Variants in SUGCT observed in about 807,000 individuals in gnomAD.
SUGCT encodes succinyl-CoA:glutarate-CoA transferase, also known as succinyl-CoA:glutarate CoA-transferase.
Under a neutral mutation model 55.0 loss-of-function variants are expected in SUGCT, and 41 were observed. The observed-to-expected ratio is 0.74, with a 90% CI of 0.58 to 0.97. SUGCT has a LOEUF of 0.97. SUGCT is among the 50% of genes least tolerant of loss of function. The pLI, the probability that SUGCT is intolerant of heterozygous loss-of-function variation, is 0.00. For missense variants in SUGCT, 568 were observed against 547.8 expected (o/e 1.04, Z -0.37); for synonymous variants, 187 against 200.4 (o/e 0.93, Z 0.56).
chr7:40,202,636 T>G (rs1055182019), intron 6 of SUGCT, among the ~76,000 whole-genome samples: 1 of 152,162 alleles, frequency 6.6e-6, no homozygotes, highest in Non-Finnish European at 1.5e-5. Flanking sequence ...CTGGTGTAGT[T>G]GTAACCTGCA....
At chr7:40,163,621 A>G (rs1257564029) in intron 1 of SUGCT, among the ~76,000 whole-genome samples, 2 of 147,576 alleles carry the variant, frequency 1.4e-5, no homozygotes, top group African/African-American at 4.9e-5. Context: ...AAAAAAAAAA[A>G]GCAGGTTATT....
chr7:40,324,826 T>TA (rs1356717618), intron 9 of SUGCT, among the ~76,000 whole-genome samples: 4 of 152,006 alleles, frequency 2.6e-5, no homozygotes, highest in African/African-American at 9.7e-5. Flanking sequence ...ATTCTTTTTT[T>TA]ATGCTCTTTC....
chr7:40,815,249 G>A (rs1041356396), intron 13 of SUGCT, among the ~76,000 whole-genome samples: 15 of 152,358 alleles, frequency 9.8e-5, no homozygotes, highest in South Asian at 8.3e-4. Context: ...GCAGGCATGA[G>A]CACCAGTGCT....
At chr7:40,171,320 T>A (rs1302745973) in intron 1 of SUGCT, among the ~76,000 whole-genome samples, 2 of 152,214 alleles carry the variant, frequency 1.3e-5, no homozygotes, top group Non-Finnish European at 2.9e-5. Context: ...ACAGCTCACA[T>A]GTTTGAGCAG....
chr7:40,189,319 G>GT (rs1391481213), intron 4 of SUGCT, among the ~76,000 whole-genome samples: 3 of 151,566 alleles, frequency 2.0e-5, no homozygotes, highest in African/African-American at 7.3e-5. Context: ...TCCAGCCTGG[G>GT]TGACAGAGCA....
At chr7:40,743,327 C>T (rs188603148) in intron 12 of SUGCT, among the ~76,000 whole-genome samples, 5 of 152,062 alleles carry the variant, frequency 3.3e-5, no homozygotes, top group African/African-American at 1.2e-4. Context: ...GAGCACTCTC[C>T]CCCAACTTCT....
At chr7:40,374,007 G>C (rs1784425994) in intron 9 of SUGCT, among the ~76,000 whole-genome samples, 1 of 152,062 alleles carries the variant, frequency 6.6e-6, no homozygotes, top group South Asian at 2.1e-4. Flanking sequence ...TGTTGTTGTT[G>C]TTTTGTTTGG....
At chr7:40,876,707 C>T in the SUGCT span, among the ~76,000 whole-genome samples, 1 of 152,090 alleles carries the variant, frequency 6.6e-6, no homozygotes, top group Non-Finnish European at 1.5e-5. Flanking sequence ...TTGTCTCAGG[C>T]CCATGGGAGG....
At chr7:40,331,393 G>C (rs1796304383) in intron 9 of SUGCT, among the ~76,000 whole-genome samples, 1 of 152,168 alleles carries the variant, frequency 6.6e-6, no homozygotes, top group African/African-American at 2.4e-5. Flanking sequence ...GCATGCATGA[G>C]CTTTGGAGTC....
chr7:40,272,138 T>G (rs1482892126), intron 7 of SUGCT, among the ~76,000 whole-genome samples: 1 of 97,720 alleles, frequency 1.0e-5, no homozygotes, highest in African/African-American at 3.6e-5. Flanking sequence ...AACTGCAATG[T>G]GACATATATA....
chr7:40,175,651 G>C (rs889885614), intron 1 of SUGCT, among the ~76,000 whole-genome samples: 1 of 152,010 alleles, frequency 6.6e-6, no homozygotes, highest in Non-Finnish European at 1.5e-5. Context: ...TTCTCCATAA[G>C]GCACATCATG....
chr7:40,467,814 G>A (rs1790201343), intron 11 of SUGCT, among the ~76,000 whole-genome samples: 1 of 151,970 alleles, frequency 6.6e-6, no homozygotes, highest in African/African-American at 2.4e-5. Flanking sequence ...CAAAAGCAAA[G>A]CATGACATTT....
At chr7:40,310,773 T>G (rs1795101545) in intron 8 of SUGCT, among the ~76,000 whole-genome samples, 1 of 152,260 alleles carries the variant, frequency 6.6e-6, no homozygotes, top group Non-Finnish European at 1.5e-5. Context: ...ATGTCATAGC[T>G]TATTTAAAAC....
chr7:40,545,909 C>T (rs534093579), intron 12 of SUGCT, among the ~76,000 whole-genome samples: 3 of 152,254 alleles, frequency 2.0e-5, no homozygotes, highest in African/African-American at 7.2e-5. Flanking sequence ...CTTATTGCAT[C>T]TGTGGCCTAC....
At chr7:41,034,635 C>A in the SUGCT span, among the ~76,000 whole-genome samples, 1 of 152,194 alleles carries the variant, frequency 6.6e-6, no homozygotes, top group Non-Finnish European at 1.5e-5. Flanking sequence ...AACATGAGCT[C>A]TTAGCTACTG....
intron 7 of SUGCT, among the ~76,000 whole-genome samples, chr7:40,243,689 A>G (rs937741234): frequency 1.3e-5 from 2 of 152,046 alleles, no homozygotes; most frequent in East Asian, 3.9e-4. Flanking sequence ...TATGAGGGCA[A>G]GTTGATATGG....
chr7:40,245,423 ATTTTTTTTTTTTTTTT>A (rs1168316176), intron 7 of SUGCT, among the ~76,000 whole-genome samples: 9 of 54,580 alleles, frequency 1.6e-4, no homozygotes, highest in Admixed American at 1.6e-3. Context: ...ATATATATAT[ATTTTTTTTTTTTTTTT>A]TTTTTTTTTT....
intron 13 of SUGCT, among the ~76,000 whole-genome samples, chr7:40,845,797 A>C (rs1448733190): frequency 6.6e-6 from 1 of 152,172 alleles, no homozygotes; most frequent in Non-Finnish European, 1.5e-5. Flanking sequence ...TTTGCTTGGA[A>C]TATAACCGTC....
chr7:40,267,634 C>G (rs1324500610), intron 7 of SUGCT, among the ~76,000 whole-genome samples: 2 of 152,130 alleles, frequency 1.3e-5, no homozygotes, highest in Admixed American at 6.5e-5. Flanking sequence ...CAGCAGGGCT[C>G]TGTGGAGTTC....
Sources: gnomAD v4.1 joint callset for allele counts (sites outside exome capture counted in the v4.1 genomes callset) on GRCh38, gnomAD v4.1.1 for gene constraint, MANE v1.5 for transcripts, NCBI Gene and HGNC (gene_info 2026-07-23, HGNC 2026-07-21) for gene names.